The following LINGO2 variants were observed in gnomAD, a reference collection of about 807,000 sequenced individuals.
LINGO2 encodes the protein leucine rich repeat and Ig domain containing 2.
In LINGO2, 14 loss-of-function variants were observed where a neutral mutation model predicts 30.6. That is an observed-to-expected ratio of 0.46 (90% CI 0.30 to 0.72). The LOEUF is 0.72. LINGO2 is among the 30% of genes least tolerant of loss of function. LINGO2 has a pLI of 0.07. For missense variants in LINGO2, 729 were observed against 751.7 expected, an observed-to-expected ratio of 0.97 and a Z score of 0.35; for synonymous variants, 317 against 288.5, an observed-to-expected ratio of 1.10 and a Z score of -1.00.
At chr9:28,190,029 C>T (rs1045566951) in intron 4 of LINGO2, among the ~76,000 whole-genome samples, 3 of 152,094 alleles carry the variant, frequency 2.0e-5, no homozygotes, top group African/African-American at 7.2e-5. Flanking sequence ...ATCTTGGGTC[C>T]ATGAATCTAG....
At chr9:28,611,884 G>A (rs1287324913) in intron 1 of LINGO2, among the ~76,000 whole-genome samples, 3 of 151,716 alleles carry the variant, frequency 2.0e-5, no homozygotes, top group Non-Finnish European at 4.4e-5. Flanking sequence ...GCAGTGGCGC[G>A]ATCTCAGCTC....
In LINGO2 at chr9:28,616,159, G is replaced by A. The variant is rs537667583; in HGVS notation, c.-365+54041C>T. On this transcript the variant is annotated intron_variant, in intron 1 of 5. Transcript: ENST00000379992. ...TACTTTTCCAGGTATATGCTATACC[G>A]TAATGAAAAGTTTATTTTTAAAATG... Among the ~76,000 whole-genome samples the A allele has an allele frequency of 5.3e-3, 800 of 152,152 alleles. 6 individuals are homozygous for A. The highest frequency in any genetic ancestry group is 0.018 in the African/African-American group (764 of 41,520).
At chr9:28,230,445 T>C (rs982057407) in intron 4 of LINGO2, among the ~76,000 whole-genome samples, 2 of 151,854 alleles carry the variant, frequency 1.3e-5, no homozygotes, top group African/African-American at 4.8e-5. Flanking sequence ...CTTGGCTTAA[T>C]AGTTTATGTT....
chr9:28,603,545 T>A (rs1285595728), intron 1 of LINGO2, among the ~76,000 whole-genome samples: 1 of 152,040 alleles, frequency 6.6e-6, no homozygotes, highest in Non-Finnish European at 1.5e-5. Flanking sequence ...GAAATATATA[T>A]TAGCATGTCA....
At position 28,260,618 on chromosome 9, in the gene LINGO2, T is replaced by G. The variant is rs185558909; in HGVS notation, c.-87+34590A>C. On this transcript the variant is annotated intron_variant, in intron 4 of 5. Coordinates refer to ENST00000379992, the Ensembl canonical transcript of LINGO2. ...TTTAGATCTTGGTGGTAGAAACACATATTCAAACAAATTTGCACCAGAGAG... is the reference window on the plus strand; with the variant it reads ...TTTAGATCTTGGTGGTAGAAACACAGATTCAAACAAATTTGCACCAGAGAG... 2.0e-5 allele frequency among the ~76,000 whole-genome samples: 3 copies of G among 146,894 alleles called. No homozygotes were observed. The East Asian group carries it at 6.2e-4, about 30-fold the overall frequency.
intron 2 of LINGO2, among the ~76,000 whole-genome samples, chr9:28,465,041 T>C (rs1472680364): frequency 6.6e-6 from 1 of 152,136 alleles, no homozygotes; most frequent in East Asian, 1.9e-4. Context: ...TACAGGCCTG[T>C]GGCAGTGTCT....
the LINGO2 span, among the ~76,000 whole-genome samples, chr9:28,679,629 C>A: frequency 9.9e-4 from 151 of 152,108 alleles, no homozygotes; most frequent in Non-Finnish European, 5.9e-4. Flanking sequence ...ACAACCATCA[C>A]CTCACATATA....
the LINGO2 span, among the ~76,000 whole-genome samples, chr9:28,809,764 AG>A: frequency 1.8e-4 from 27 of 150,630 alleles, no homozygotes; most frequent in East Asian, 2.2e-3. Context: ...AAAAAAAAAA[AG>A]CTTGGATGAT....
At chr9:29,114,217 G>T in the LINGO2 span, among the ~76,000 whole-genome samples, 1 of 151,370 alleles carries the variant, frequency 6.6e-6, no homozygotes, top group Non-Finnish European at 1.5e-5. Context: ...ATTGAGTGGA[G>T]TCACTGTGGC....
the LINGO2 span, among the ~76,000 whole-genome samples, chr9:29,113,429 T>C: frequency 6.6e-6 from 1 of 152,174 alleles, no homozygotes; most frequent in African/African-American, 2.4e-5. Context: ...GTGTTGAAGA[T>C]GAAGCCAGCA....
the LINGO2 span, among the ~76,000 whole-genome samples, chr9:28,816,007 G>A: frequency 1.3e-5 from 2 of 152,162 alleles, no homozygotes; most frequent in Non-Finnish European, 2.9e-5. Context: ...TCCAGTGGGA[G>A]CCTCCTTGCT....
intron 4 of LINGO2, among the ~76,000 whole-genome samples, chr9:28,210,668 G>A (rs546642673): frequency 1.3e-5 from 2 of 151,756 alleles, no homozygotes; most frequent in South Asian, 2.1e-4. Context: ...TTATGTAGAC[G>A]CAGAGAGAGA....
chr9:29,207,194 A>G, the LINGO2 span, among the ~76,000 whole-genome samples: 1 of 151,984 alleles, frequency 6.6e-6, no homozygotes, highest in Non-Finnish European at 1.5e-5. Flanking sequence ...ACATATACGT[A>G]TATATGTATA....
At chr9:28,975,947 A>T in the LINGO2 span, among the ~76,000 whole-genome samples, 1 of 152,234 alleles carries the variant, frequency 6.6e-6, no homozygotes, top group Admixed American at 6.5e-5. Flanking sequence ...TGTATCAATT[A>T]TGCAACATCT....
intron 2 of LINGO2, among the ~76,000 whole-genome samples, chr9:28,441,019 G>A (rs140117368): frequency 6.6e-6 from 1 of 152,204 alleles, no homozygotes; most frequent in African/African-American, 2.4e-5. Flanking sequence ...GGGGCGTAAT[G>A]AGAGATATTT....
chr9:29,116,622 TTTC>T, the LINGO2 span, among the ~76,000 whole-genome samples: 1 of 152,086 alleles, frequency 6.6e-6, no homozygotes, highest in African/African-American at 2.4e-5. Context: ...GTACAGTGAA[TTTC>T]TTCTTCTTAT....
chr9:29,028,419 TG>T, the LINGO2 span, among the ~76,000 whole-genome samples: 2 of 64,014 alleles, frequency 3.1e-5, no homozygotes, highest in Admixed American at 1.8e-4. Context: ...GGGTAGTGTG[TG>T]GGGGGGGGTG....
chr9:28,310,937 G>A (rs900990295), intron 3 of LINGO2, among the ~76,000 whole-genome samples: 28 of 152,216 alleles, frequency 1.8e-4, no homozygotes, highest in African/African-American at 6.0e-4. Context: ...ACATGCTCAA[G>A]CAATTTTTAA....
At chr9:28,669,352 C>T (rs527588940) in intron 1 of LINGO2, among the ~76,000 whole-genome samples, 3 of 152,096 alleles carry the variant, frequency 2.0e-5, no homozygotes, top group African/African-American at 7.2e-5. Flanking sequence ...ATTTCTTAGC[C>T]TTCATGAGGA....
Sources: allele counts gnomAD v4.1 joint callset (sites outside exome capture counted in the v4.1 genomes callset), GRCh38; gene constraint gnomAD v4.1.1; transcripts MANE v1.5; gene names NCBI Gene and HGNC (gene_info 2026-07-23, HGNC 2026-07-21).